Variants in PAPPA observed in about 807,000 individuals in gnomAD.
PAPPA encodes the protein pappalysin-1.
A neutral mutation model predicts 164.0 loss-of-function variants in PAPPA; 60 were observed. That is an observed-to-expected ratio of 0.37 (90% confidence interval 0.30 to 0.45). The LOEUF is 0.45. Among genes scored for constraint, PAPPA ranks in the 20% least tolerant of loss-of-function variants. The pLI is 1.00. For missense variants in PAPPA, 1,782 were observed against 2,087.3 expected (o/e 0.85, Z 2.85); for synonymous variants, 875 against 814.1 (o/e 1.07, Z -1.27).
At chr9:116,377,195 C>T (rs1846665423) in intron 19 of PAPPA, among the ~76,000 whole-genome samples, 1 of 150,618 alleles carries the variant, frequency 6.6e-6, no homozygotes, top group African/African-American at 2.5e-5. Flanking sequence ...CACACACATG[C>T]AAACACACAC....
chr9:116,338,900 T>C (rs1263988145), intron 13 of PAPPA, among the ~76,000 whole-genome samples: 1 of 152,206 alleles, frequency 6.6e-6, no homozygotes, highest in African/African-American at 2.4e-5. Flanking sequence ...ATTATAGACC[T>C]CTGTTGTTTT....
chr9:116,352,819 G>T lies in PAPPA; in HGVS notation c.4078G>T (p.Ala1360Ser). 3 of 1,613,842 alleles carry T rather than the reference G, an allele frequency of 1.9e-6. No homozygotes were observed. Among genetic ancestry groups the T allele is most frequent in the African/African-American group, 1.3e-5 (1 of 75,004 alleles). ...PPVPNADLQT[A>S]RCRENKHKVG... ...TGTGCCCAATGCAGACCTCCAGACC[G>T]CCCGGTGCCGAGAGAATAAGCACAA... The change falls in exon 16 of 22, where the codon GCC (alanine) becomes TCC (serine). Residue 1360 changes from alanine (A) to serine (S), a missense_variant. Transcript: ENST00000328252.
chr9:116,331,154 T>G, intron 10 of PAPPA, 90 bp from the exon 11 acceptor site: 2 of 791,822 alleles, frequency 2.5e-6, no homozygotes, highest in South Asian at 3.3e-5. Context: ...AAGAGCAAAA[T>G]AGGTGAACAG....
At chr9:116,192,218 CA>C (rs1467179449) in intron 2 of PAPPA, among the ~76,000 whole-genome samples, 1 of 152,134 alleles carries the variant, frequency 6.6e-6, no homozygotes, top group African/African-American at 2.4e-5. Flanking sequence ...GGACACAGAG[CA>C]GGGTGGGGAG....
intron 12 of PAPPA, 108 bp from the exon 13 acceptor site, chr9:116,334,753 G>A: frequency 1.4e-6 from 1 of 713,282 alleles, no homozygotes; most frequent in Non-Finnish European, 2.4e-6. Context: ...GTGCTTTTGT[G>A]CAGTGACATG....
At chr9:116,169,701 A>C (rs899052395) in intron 1 of PAPPA, among the ~76,000 whole-genome samples, 6 of 151,252 alleles carry the variant, frequency 4.0e-5, no homozygotes, top group Non-Finnish European at 7.4e-5. Context: ...TGCAATCTTC[A>C]CCTAGAATAT....
intron 14 of PAPPA, among the ~76,000 whole-genome samples, chr9:116,346,264 C>G (rs1846208456): frequency 6.6e-6 from 1 of 152,220 alleles, no homozygotes; most frequent in Non-Finnish European, 1.5e-5. Context: ...CATGGTCTTG[C>G]CCTCCACCCA....
chr9:116,218,560 T>TCCCTCAGAA (rs1220484027), intron 4 of PAPPA, among the ~76,000 whole-genome samples: 1 of 152,068 alleles, frequency 6.6e-6, no homozygotes, highest in Non-Finnish European at 1.5e-5. Flanking sequence ...GCAAGCGTTC[T>TCCCTCAGAA]CCCTCAGAAC....
chr9:116,358,260 C>T (rs990544700), intron 17 of PAPPA, among the ~76,000 whole-genome samples: 27 of 152,176 alleles, frequency 1.8e-4, no homozygotes, highest in Admixed American at 9.8e-4. Flanking sequence ...TCTTAAACTA[C>T]GTCACTTTGC....
intron 2 of PAPPA, among the ~76,000 whole-genome samples, chr9:116,197,403 G>A (rs1462087430): frequency 6.6e-6 from 1 of 152,150 alleles, no homozygotes; most frequent in Non-Finnish European, 1.5e-5. Context: ...GAGCAATTAT[G>A]CTCTATGACA....
rs757060592 is a variant in PAPPA, at chr9:116,334,847, G to T, written c.3398-14G>T. 1 of 1,608,404 alleles carries T rather than the reference G, an allele frequency of 6.2e-7. No homozygotes were observed. Among genetic ancestry groups the T allele is most frequent in the South Asian group, 1.1e-5 (1 of 90,938 alleles). ...ATGAGCCTGGCCCCTCGGCCCCTCT[G>T]TCTCCCCTGACAGGCCTCCATGTCC... On this transcript the variant is annotated splice_polypyrimidine_tract_variant and intron_variant, in intron 12 of 21. Transcript: ENST00000328252.
chr9:116,187,428 A>G lies in PAPPA; in HGVS notation c.690A>G (p.Pro230=). The part of the protein sequence containing the change: ...SGEQVGGIFS[P]LTQKCKVLML... ...AACAAGTGGGTGGCATATTCAGCCC[A>G]CTGACCCAGAAGTGCAAAGTGCTCA... is the stretch of plus-strand genomic sequence containing the variant. The change falls in exon 2 of 22, where the codon CCA becomes CCG. Residue 230 remains proline (P), a synonymous_variant. Coordinates refer to ENST00000328252, the MANE Select transcript of PAPPA (RefSeq NM_002581.5). This position sits in a 1 kb window ranked among gnomAD's most constrained non-coding sequence, Gnocchi z 4.2. 6.2e-7 allele frequency: 1 copy of G among 1,614,134 alleles called. No homozygotes were observed. The highest frequency in any genetic ancestry group is 8.5e-7 in the Non-Finnish European group (1 of 1,180,024).
chr9:116,360,396 A>G (rs1416365477), intron 17 of PAPPA, among the ~76,000 whole-genome samples: 1 of 152,148 alleles, frequency 6.6e-6, no homozygotes, highest in Non-Finnish European at 1.5e-5. Context: ...CCTTCTCCCA[A>G]GGCCAGAGAG....
chr9:116,382,587 C>G (rs766966948), intron 21 of PAPPA, 94 bp downstream of exon 21: 14 of 797,750 alleles, frequency 1.8e-5, no homozygotes, highest in Non-Finnish European at 2.7e-5. Flanking sequence ...CAACCCTTGT[C>G]CTAACTCTGC....
chr9:116,282,207 A>G (rs1845276221), intron 9 of PAPPA, among the ~76,000 whole-genome samples: 1 of 152,222 alleles, frequency 6.6e-6, no homozygotes, highest in African/African-American at 2.4e-5. Flanking sequence ...ACACCTTCCT[A>G]TATACTTCAA....
chr9:116,220,463 G>A (rs1844430179), intron 5 of PAPPA, among the ~76,000 whole-genome samples: 1 of 148,592 alleles, frequency 6.7e-6, no homozygotes. Context: ...TGATTGCCTG[G>A]GCAAAAACAT....
chr9:116,239,132 A>G, intron 7 of PAPPA, among the ~76,000 whole-genome samples: 1 of 152,092 alleles, frequency 6.6e-6, no homozygotes, highest in Admixed American at 6.6e-5. Context: ...TGTTATCTAC[A>G]CTGGAGATAG....
At chr9:116,298,440 C>T (rs1845537341) in intron 9 of PAPPA, among the ~76,000 whole-genome samples, 2 of 152,186 alleles carry the variant, frequency 1.3e-5, no homozygotes, top group Non-Finnish European at 2.9e-5. Flanking sequence ...AAATGTGTCA[C>T]CACATGAAAG....
chr9:116,352,516 T>C (rs12376706), intron 15 of PAPPA, among the ~76,000 whole-genome samples, 190 bp from the exon 16 acceptor site: 1 of 152,180 alleles, frequency 6.6e-6, no homozygotes, highest in Non-Finnish European at 1.5e-5. Flanking sequence ...ACTCCCCCCA[T>C]TTAGATCTCC....
Sources: allele counts gnomAD v4.1 joint callset (sites outside exome capture counted in the v4.1 genomes callset), GRCh38; gene constraint gnomAD v4.1.1; non-coding constraint Gnocchi (gnomAD v3.1); transcripts MANE v1.5; gene names NCBI Gene and HGNC (gene_info 2026-07-23, HGNC 2026-07-21).